Variants in NIF3L1 observed in about 807,000 individuals in gnomAD.
NIF3L1 encodes NGG1 interacting factor 3 like 1.
A neutral mutation model predicts 35.0 loss-of-function variants in NIF3L1; 26 were observed. The ratio of observed to expected loss-of-function variants is 0.74; its 90% CI spans 0.54 to 1.03. NIF3L1 has a LOEUF of 1.03. Ranked by LOEUF, NIF3L1 falls within the 50% of genes least tolerant of loss-of-function variation. NIF3L1 has a pLI of 0.00. For missense variants in NIF3L1, 449 were observed against 466.3 expected (o/e 0.96, Z 0.34); for synonymous variants, 157 against 178.9 (o/e 0.88, Z 0.98).
At chr2:200,894,042 C>T (rs145779368) in intron 3 of NIF3L1, among the ~76,000 whole-genome samples, 7,187 of 151,724 alleles carry the variant, frequency 0.047, 553 homozygotes, top group African/African-American at 0.16. Flanking sequence ...GGCGTAGTGG[C>T]GCATGCCTGT....
In NIF3L1 at chr2:200,892,025, A is replaced by G. The variant is rs202006654; in HGVS notation, c.82A>G (p.Met28Val). The G allele has an allele frequency of 7.4e-6, 12 of 1,613,988 alleles. No individual in the cohort carries two copies. The highest frequency in any genetic ancestry group is 2.7e-5 in the African/African-American group (2 of 74,878). The stretch of plus-strand genomic sequence containing the variant: ...GATCTGCAATTCTTCCCGTTCCTTC[A>G]TGGATTTGAAGGCTCTCCTTTCTTC... ...SLICNSSRSFMDLKALLSSLN... is the reference protein window; with the variant it reads ...SLICNSSRSFVDLKALLSSLN... The change falls in exon 2 of 7, where the codon ATG becomes GTG. Residue 28 changes from methionine (M) to valine (V), a missense_variant. Met to Val is a conservative substitution (Grantham distance 21). Transcript: ENST00000409020.
chr2:200,898,601 A>G (rs1158727402), intron 5 of NIF3L1, among the ~76,000 whole-genome samples: 1 of 152,156 alleles, frequency 6.6e-6, no homozygotes, highest in Non-Finnish European at 1.5e-5. Context: ...TCCAAAGAAA[A>G]TGGATAGCAG....
chr2:200,900,124 C>G (rs1189529626), intron 6 of NIF3L1, among the ~76,000 whole-genome samples: 1 of 152,170 alleles, frequency 6.6e-6, no homozygotes, highest in Non-Finnish European at 1.5e-5. Context: ...GAGAAGCCTT[C>G]TCTGACACTG....
At position 200,892,082 on chromosome 2, in the gene NIF3L1, G is replaced by A. The variant is rs752042784; in HGVS notation, c.139G>A (p.Glu47Lys). Residue 47 changes from glutamate to lysine, a missense_variant, in exon 2 of 7, where the codon GAG (glutamate) becomes AAG (lysine). Coordinates refer to ENST00000409020, the MANE Select transcript of NIF3L1 (RefSeq NM_001369441.2). ...TGACTTTGCATCCCTCTCGTTTGCT[G>A]AGAGTTGGGACAATGTTGGATTACT... Reference protein sequence around the residue: ...LNDFASLSFAESWDNVGLLVE... With the variant: ...LNDFASLSFAKSWDNVGLLVE... The A allele has an allele frequency of 3.7e-6, 6 of 1,614,182 alleles. No individual in the cohort carries two copies. Among genetic ancestry groups the A allele is most frequent in the Non-Finnish European group, 3.4e-6 (4 of 1,180,038 alleles).
intron 1 of NIF3L1, 167 bp from the exon 2 acceptor site, chr2:200,891,751 T>A: frequency 3.4e-6 from 2 of 592,982 alleles, no homozygotes; most frequent in Non-Finnish European, 6.0e-6. Flanking sequence ...AAAACAAGAT[T>A]GGAGAGGTTA....
Position 200,891,983 on chromosome 2 carries a change from C to T in NIF3L1, c.40C>T (p.Arg14Trp), listed in dbSNP as rs575068420. The T allele has an allele frequency of 3.0e-5, 48 of 1,613,850 alleles. 2 individuals are homozygous for T. In the Middle Eastern group the frequency reaches 1.6e-3, roughly 55 times the overall value. ...CGTACGCCCAGTCCCCACGACAGTCCGGTTTGTAGATTCCCTGATCTGCAA... is the reference window on the plus strand; with the variant it reads ...CGTACGCCCAGTCCCCACGACAGTCTGGTTTGTAGATTCCCTGATCTGCAA... ...SCVRPVPTTV[R>W]FVDSLICNSS... The change falls in exon 2 of 7, where the codon CGG (arginine) becomes TGG (tryptophan). Residue 14 changes from arginine (R) to tryptophan (W), a missense_variant. Coordinates refer to ENST00000409020, the MANE Select transcript of NIF3L1 (RefSeq NM_001369441.2).
Position 200,895,331 on chromosome 2 carries a change from G to A in NIF3L1, c.667G>A (p.Asp223Asn). 1 of 1,613,996 alleles carries A rather than the reference G, an allele frequency of 6.2e-7. No individual in the cohort carries two copies. The highest frequency in any genetic ancestry group is 1.1e-5 in the South Asian group (1 of 91,078). Residue 223 changes from aspartate (D) to asparagine (N), a missense_variant, in exon 4 of 7, where the codon GAT (aspartate) becomes AAT (asparagine). Asp to Asn is a conservative substitution (Grantham distance 23, BLOSUM62 1). Coordinates refer to ENST00000409020, the MANE Select transcript of NIF3L1 (RefSeq NM_001369441.2). ...TCAGAAGGCTTTGATGCAGGTGGTA[G>A]ATTTTCTTTCCCGGAACAAACAACT... ...CTQKALMQVV[D>N]FLSRNKQLYQ...
chr2:200,891,052 A>G (rs1404826048), intron 1 of NIF3L1, among the ~76,000 whole-genome samples: 2 of 148,068 alleles, frequency 1.4e-5, no homozygotes, highest in African/African-American at 5.0e-5. Flanking sequence ...TCCGCCTCCC[A>G]GGTTCAAGTG....
chr2:200,902,698 C>T (rs889645454), intron 6 of NIF3L1, among the ~76,000 whole-genome samples: 3 of 152,126 alleles, frequency 2.0e-5, no homozygotes, highest in African/African-American at 4.8e-5. Context: ...TTGTTTTTAA[C>T]CTGGAAGTAA....
chr2:200,901,054 T>C (rs1197841501), intron 6 of NIF3L1, among the ~76,000 whole-genome samples: 1 of 152,238 alleles, frequency 6.6e-6, no homozygotes, highest in Non-Finnish European at 1.5e-5. Flanking sequence ...TGACAATTTC[T>C]TTACCTCTCA....
chr2:200,892,121 C>G lies in NIF3L1; in HGVS notation c.178C>G (p.Pro60Ala). 3 of 1,614,146 alleles carry G rather than the reference C, an allele frequency of 1.9e-6. No homozygotes were observed. Among genetic ancestry groups the G allele is most frequent in the Non-Finnish European group, 2.5e-6 (3 of 1,180,030 alleles). The part of the protein sequence containing the change: ...DNVGLLVEPS[P>A]PHTVNTLFLT... Reference sequence around the variant, plus strand: ...TGTTGGATTACTGGTGGAACCAAGCCCACCACATACTGTAAATACACTCTT... The same window carrying G: ...TGTTGGATTACTGGTGGAACCAAGCGCACCACATACTGTAAATACACTCTT... The change falls in exon 2 of 7, where the codon CCA becomes GCA. Residue 60 changes from proline to alanine, a missense_variant. Coordinates refer to ENST00000409020, the MANE Select transcript of NIF3L1 (RefSeq NM_001369441.2).
chr2:200,899,562 T>C lies in NIF3L1; in HGVS notation c.949+94T>C, dbSNP rs2040378956. 6 of 786,800 alleles carry C rather than the reference T, an allele frequency of 7.6e-6. No homozygotes were observed. The South Asian group carries it at 9.5e-5, about 12-fold the overall frequency. The allele number at this position is 786,800 out of a possible 1,614,324, so 48.7% of individuals were successfully genotyped here. A position where few individuals can be genotyped will look rare whatever the true frequency, so the allele number is the denominator to read the frequency against. The stretch of plus-strand genomic sequence containing the variant: ...TACCTGGCACATAGATGATACCTAA[T>C]TAATGTTTTCTGAACCTGAACTAAA... On this transcript the variant is annotated intron_variant, in intron 6 of 6. Transcript: ENST00000409020.
intron 3 of NIF3L1, among the ~76,000 whole-genome samples, chr2:200,893,714 T>A (rs959560489): frequency 2.6e-5 from 4 of 152,206 alleles, no homozygotes; most frequent in Admixed American, 6.5e-5. Context: ...TACAGATAGA[T>A]CCTAGTGATG....
rs1204333662 is a variant in NIF3L1, at chr2:200,896,091, G to GT, written c.726+702dup. ...CTGAGTCTGGCCTCATATCTATACA[G>GT]TGTTTCTCCTCTGTATTGGCTCTGC... is the stretch of plus-strand genomic sequence containing the variant. On this transcript the variant is annotated intron_variant, in intron 4 of 6. Transcript: ENST00000409020. Among the ~76,000 whole-genome samples the GT allele has an allele frequency of 2.0e-5, 3 of 151,032 alleles. No individual in the cohort carries two copies. The East Asian group carries it at 5.8e-4, about 29-fold the overall frequency.
chr2:200,898,736 C>T (rs1020318050), intron 5 of NIF3L1, among the ~76,000 whole-genome samples: 1 of 152,094 alleles, frequency 6.6e-6, no homozygotes, highest in African/African-American at 2.4e-5. Context: ...GATTTTGGCT[C>T]GAAAGTTGCT....
chr2:200,902,522 C>A (rs972398315), intron 6 of NIF3L1, among the ~76,000 whole-genome samples: 1 of 152,010 alleles, frequency 6.6e-6, no homozygotes, highest in Non-Finnish European at 1.5e-5. Context: ...GAGCTGAGAT[C>A]GTGCTACTGT....
chr2:200,894,710 C>CTT (rs74740047), intron 3 of NIF3L1, among the ~76,000 whole-genome samples: 5 of 123,746 alleles, frequency 4.0e-5, no homozygotes, highest in African/African-American at 8.8e-5. Flanking sequence ...GCCTGGCCTT[C>CTT]TTTTTTTTTT....
chr2:200,896,963 C>G (rs928746981), intron 4 of NIF3L1, 113 bp from the exon 5 acceptor site: 1 of 1,014,984 alleles, frequency 9.9e-7, no homozygotes, highest in East Asian at 2.6e-5. Flanking sequence ...TGTATCCCCA[C>G]ATTTAGCCTG....
intron 5 of NIF3L1, 57 bp downstream of exon 5, chr2:200,897,271 C>A (rs189355121): frequency 1.6e-5 from 25 of 1,554,268 alleles, no homozygotes; most frequent in Non-Finnish European, 8.8e-7. Flanking sequence ...GGACAAAGAT[C>A]GAAACTCTTG....
Sources: gnomAD v4.1 joint callset for allele counts (sites outside exome capture counted in the v4.1 genomes callset) on GRCh38, gnomAD v4.1.1 for gene constraint, MANE v1.5 for transcripts, NCBI Gene and HGNC (gene_info 2026-07-23, HGNC 2026-07-21) for gene names.